FRAS1: variants seen among roughly 807,000 people sequenced by gnomAD.
FRAS1 encodes Fraser extracellular matrix complex subunit 1.
A neutral mutation model predicts 435.2 loss-of-function variants in FRAS1; 290 were observed. The observed-to-expected ratio is 0.67, with a 90% CI of 0.61 to 0.73. The LOEUF (loss-of-function observed/expected upper bound fraction) is 0.73. FRAS1 is among the 30% of genes least tolerant of loss of function. The probability of loss-of-function intolerance (pLI) is 0.00; values close to 1 mark genes in which losing one functional copy is unlikely to be tolerated. For missense variants in FRAS1, 4,860 were observed against 5,001.5 expected, an observed-to-expected ratio of 0.97 and a Z score of 0.85; for synonymous variants, 1,800 against 1,851.0, an observed-to-expected ratio of 0.97 and a Z score of 0.71.
chr4:78,228,201 A>C (rs1001301602), intron 2 of FRAS1, among the ~76,000 whole-genome samples: 1 of 152,236 alleles, frequency 6.6e-6, no homozygotes, highest in African/African-American at 2.4e-5. Flanking sequence ...TCCCTTAGGA[A>C]TATGAAATGA....
chr4:78,283,264 G>A (rs73827925), intron 12 of FRAS1, among the ~76,000 whole-genome samples: 4,769 of 152,236 alleles, frequency 0.031, 259 homozygotes, highest in African/African-American at 0.11. Flanking sequence ...TGAAAATCAA[G>A]CAACATGTTT....
At chr4:78,375,638 T>G in intron 25 of FRAS1, 101 bp from the exon 26 acceptor site, 1 of 996,414 alleles carries the variant, frequency 1.0e-6, no homozygotes, top group Non-Finnish European at 1.4e-6. Flanking sequence ...TTGGGGCTCA[T>G]TTGTTGCATG....
Position 78,451,725 on chromosome 4 carries a change from G to A in FRAS1, c.6464-47G>A, listed in dbSNP as rs77319577. The A allele has an allele frequency of 4.9e-3, 7,374 of 1,496,602 alleles. 309 individuals carry two copies. In the African/African-American group the frequency reaches 0.088, roughly 18 times the overall value. 92.7% of individuals were successfully genotyped at this position (1,496,602 alleles called of 1,614,324 possible). A position where few individuals can be genotyped will look rare whatever the true frequency, so the allele number is the denominator to read the frequency against. On this transcript the variant is annotated intron_variant, in intron 45 of 73. Coordinates refer to ENST00000512123, the MANE Select transcript of FRAS1 (RefSeq NM_025074.7). The stretch of plus-strand genomic sequence containing the variant: ...TCACACCTCTTGCTTCAGAAATAAG[G>A]GCAGAAAGCACTAATAGCAAATCTT...
At chr4:78,131,786 G>T (rs1719696526) in intron 2 of FRAS1, among the ~76,000 whole-genome samples, 1 of 152,038 alleles carries the variant, frequency 6.6e-6, no homozygotes, top group Non-Finnish European at 1.5e-5. Flanking sequence ...CAAGTGGGAA[G>T]AAAAAAGAAG....
chr4:78,307,150 G>A (rs367655552), intron 14 of FRAS1, among the ~76,000 whole-genome samples: 2 of 152,162 alleles, frequency 1.3e-5, no homozygotes, highest in South Asian at 2.1e-4. Flanking sequence ...TGCCCCTGCT[G>A]GGGGGTGCCT....
intron 4 of FRAS1, among the ~76,000 whole-genome samples, chr4:78,248,432 GATA>G (rs1169658648): frequency 6.6e-6 from 1 of 152,128 alleles, no homozygotes; most frequent in East Asian, 1.9e-4. Context: ...CTCAGCACCA[GATA>G]ATGTCAAATC....
In FRAS1 at chr4:78,540,827, G is replaced by C. The variant is rs531269953; in HGVS notation, c.11742G>C (p.Met3914Ile). 4 of 1,613,940 alleles carry C rather than the reference G, an allele frequency of 2.5e-6. No individual in the cohort carries two copies. The highest frequency in any genetic ancestry group is 1.1e-5 in the South Asian group (1 of 91,076). The change falls in exon 74 of 74, where the codon ATG becomes ATC. Residue 3914 changes from methionine to isoleucine, a missense_variant. Met to Ile is a conservative substitution (Grantham distance 10). Coordinates refer to ENST00000512123, the MANE Select transcript of FRAS1 (RefSeq NM_025074.7). ...ASIGSALAAIMLLLLVFLVAC... is the reference protein window; with the variant it reads ...ASIGSALAAIILLLLVFLVAC... ...TTGGCAGTGCCCTGGCTGCAATCATGCTTCTACTTCTGGTGTTTTTGGTGG... is the reference window on the plus strand; with the variant it reads ...TTGGCAGTGCCCTGGCTGCAATCATCCTTCTACTTCTGGTGTTTTTGGTGG...
chr4:78,396,295 C>G (rs905863302), intron 29 of FRAS1, among the ~76,000 whole-genome samples: 3 of 152,120 alleles, frequency 2.0e-5, no homozygotes, highest in Non-Finnish European at 1.5e-5. Flanking sequence ...GTGTTATTCT[C>G]ACTTTGATTA....
intron 28 of FRAS1, among the ~76,000 whole-genome samples, chr4:78,384,923 A>C (rs1358406991): frequency 7.0e-6 from 1 of 142,854 alleles, no homozygotes; most frequent in Non-Finnish European, 1.6e-5. Context: ...AAAAAAAAAA[A>C]AAAAAAGACT....
chr4:78,482,066 C>A, intron 57 of FRAS1, 102 bp downstream of exon 57: 3 of 1,181,918 alleles, frequency 2.5e-6, no homozygotes, highest in Non-Finnish European at 3.6e-6. Flanking sequence ...TGGCGATATT[C>A]CTATCTTTCC....
Position 78,421,996 on chromosome 4 carries a change from C to A in FRAS1, c.4674C>A (p.Phe1558Leu). The A allele has an allele frequency of 6.2e-7, 1 of 1,610,458 alleles. No homozygotes were observed. Among genetic ancestry groups the A allele is most frequent in the Non-Finnish European group, 8.5e-7 (1 of 1,178,060 alleles). ...TCCAGGAGCTCATGGCCTTCTCGTTCGCTGGTAATGCTCTCCTCTCTGCTT... is the reference window on the plus strand; with the variant it reads ...TCCAGGAGCTCATGGCCTTCTCGTTAGCTGGTAATGCTCTCCTCTCTGCTT... ...PHLQELMAFS[F>L]AGLPESVKFH... Residue 1558 changes from phenylalanine (F) to leucine (L), a missense_variant, in exon 34 of 74, where the codon TTC becomes TTA. By Grantham distance (22) the Phe-to-Leu change is conservative. Coordinates refer to ENST00000512123, the MANE Select transcript of FRAS1 (RefSeq NM_025074.7).
At chr4:78,301,664 T>C (rs929443381) in intron 14 of FRAS1, among the ~76,000 whole-genome samples, 7 of 152,134 alleles carry the variant, frequency 4.6e-5, no homozygotes, top group African/African-American at 4.8e-5. Context: ...GTGGACACTC[T>C]GTGGTGTGTG....
chr4:78,462,720 A>G (rs952968022), intron 47 of FRAS1, among the ~76,000 whole-genome samples: 22 of 152,326 alleles, frequency 1.4e-4, no homozygotes, highest in Middle Eastern at 6.8e-3. Context: ...AGACAAAGCT[A>G]TAAGACAGGG....
intron 2 of FRAS1, among the ~76,000 whole-genome samples, chr4:78,125,535 G>C (rs900796233): frequency 2.6e-5 from 4 of 152,122 alleles, no homozygotes; most frequent in Non-Finnish European, 5.9e-5. Flanking sequence ...TTCAAGTCCT[G>C]GATATCTTTG....
At chr4:78,230,239 A>G (rs531308302) in intron 2 of FRAS1, among the ~76,000 whole-genome samples, 1 of 152,350 alleles carries the variant, frequency 6.6e-6, no homozygotes, top group East Asian at 1.9e-4. Flanking sequence ...AAACTCCTTA[A>G]GGGGGTATTA....
chr4:78,507,370 T>A lies in FRAS1; in HGVS notation c.9317-51T>A, dbSNP rs924014599. 1.7e-5 allele frequency: 26 copies of A among 1,513,220 alleles called. 1 individual carries two copies. The highest frequency in any genetic ancestry group is 1.4e-4 in the East Asian group (6 of 42,820). 93.7% of individuals were successfully genotyped at this position (1,513,220 alleles called of 1,614,324 possible). On this transcript the variant is annotated intron_variant, in intron 61 of 73. Coordinates refer to ENST00000512123, the MANE Select transcript of FRAS1 (RefSeq NM_025074.7). Reference sequence around the variant, plus strand: ...CAGTGCCAAGCTGCACTCTCTTGGGTGTGTTTCCTAATGAAGCCTTTGCTC... The same window carrying A: ...CAGTGCCAAGCTGCACTCTCTTGGGAGTGTTTCCTAATGAAGCCTTTGCTC...
At position 78,364,956 on chromosome 4, in the gene FRAS1, A is replaced by G. The variant is rs79358349; in HGVS notation, c.2722+902A>G. ...TACTTAGAGCTTTATGACCTTGAGC[A>G]AGCCAATTAACCACTAGGCCTCAGT... On this transcript the variant is annotated intron_variant, in intron 22 of 73. Coordinates refer to ENST00000512123, the MANE Select transcript of FRAS1 (RefSeq NM_025074.7). Among the ~76,000 whole-genome samples, 104 of 152,362 alleles carry G rather than the reference A, an allele frequency of 6.8e-4. 1 individual carries two copies. In the Middle Eastern group the frequency reaches 0.027, roughly 40 times the overall value.
At chr4:78,092,259 G>A (rs1051234336) in intron 2 of FRAS1, among the ~76,000 whole-genome samples, 3 of 152,134 alleles carry the variant, frequency 2.0e-5, no homozygotes, top group East Asian at 1.9e-4. Context: ...CCTGTAGGCT[G>A]GATTGTGGTC....
chr4:78,112,088 G>A (rs1742755320), intron 2 of FRAS1, among the ~76,000 whole-genome samples: 1 of 152,036 alleles, frequency 6.6e-6, no homozygotes, highest in African/African-American at 2.4e-5. Flanking sequence ...TAGGGAATGT[G>A]TTGCCCTTTT....
Sources: gnomAD v4.1 joint callset for allele counts (sites outside exome capture counted in the v4.1 genomes callset) on GRCh38, gnomAD v4.1.1 for gene constraint, MANE v1.5 for transcripts, NCBI Gene and HGNC (gene_info 2026-07-23, HGNC 2026-07-21) for gene names.